GGTA1: variants seen among roughly 807,000 people sequenced by gnomAD.
GGTA1 encodes the protein glycoprotein alpha-galactosyltransferase 1 (inactive).
Under a neutral mutation model 2.6 loss-of-function variants are expected in GGTA1, and 5 were observed. The observed-to-expected ratio is 1.92, with a 90% CI of 1.00 to 4.04. The LOEUF is 4.04. Among genes scored for constraint, GGTA1 ranks in the 30% most tolerant of loss-of-function variants. The probability of loss-of-function intolerance (pLI) is 0.00; values close to 1 mark genes in which losing one functional copy is unlikely to be tolerated. For synonymous variants in GGTA1, 17 were observed against 5.0 expected (o/e 3.38, Z -3.19); for missense variants, 50 against 16.7 (o/e 2.99, Z -3.47).
intron 1 of GGTA1, among the ~76,000 whole-genome samples, chr9:121,473,052 G>C (rs1236272975): frequency 6.6e-6 from 1 of 152,172 alleles, no homozygotes; most frequent in Non-Finnish European, 1.5e-5. Context: ...GGATGACCGG[G>C]TGCAAACCTG....
intron 3 of GGTA1, among the ~76,000 whole-genome samples, chr9:121,462,188 G>T (rs901536887): frequency 2.3e-4 from 35 of 152,266 alleles, no homozygotes; most frequent in African/African-American, 7.5e-4. Flanking sequence ...AGCCGGGCGT[G>T]GTGGCAGGTG....
chr9:121,470,655 CCTAACCT>C (rs1425861455), intron 1 of GGTA1, among the ~76,000 whole-genome samples: 9 of 152,350 alleles, frequency 5.9e-5, no homozygotes, highest in Admixed American at 5.2e-4. Context: ...CCATCTTGCT[CCTAACCT>C]CTAACCTGTC....
chr9:121,491,413 G>A (rs1828865714), intron 1 of GGTA1, among the ~76,000 whole-genome samples: 1 of 152,118 alleles, frequency 6.6e-6, no homozygotes, highest in South Asian at 2.1e-4. Context: ...CAGAACAGCT[G>A]GAGGAAGAGC....
intron 3 of GGTA1, among the ~76,000 whole-genome samples, chr9:121,461,538 C>T (rs1468692367): frequency 6.6e-6 from 1 of 152,192 alleles, no homozygotes; most frequent in Non-Finnish European, 1.5e-5. Context: ...CAGCCCTCAG[C>T]TCATCCTGGG....
chr9:121,488,831 C>T (rs1181628551), intron 1 of GGTA1, among the ~76,000 whole-genome samples: 1 of 152,166 alleles, frequency 6.6e-6, no homozygotes, highest in Non-Finnish European at 1.5e-5. Context: ...ATCGCTTGAA[C>T]CCAGGAGGCA....
At chr9:121,485,454 T>A (rs1170689276) in intron 1 of GGTA1, among the ~76,000 whole-genome samples, 1 of 152,202 alleles carries the variant, frequency 6.6e-6, no homozygotes, top group Non-Finnish European at 1.5e-5. Flanking sequence ...GAAGGTTAAG[T>A]GTTGTCACGT....
At chr9:121,458,854 T>C (rs2064936159) in intron 5 of GGTA1, among the ~76,000 whole-genome samples, 1 of 152,014 alleles carries the variant, frequency 6.6e-6, no homozygotes, top group Non-Finnish European at 1.5e-5. Flanking sequence ...CACAGTAAAA[T>C]TGCCCCATTC....
intron 1 of GGTA1, among the ~76,000 whole-genome samples, chr9:121,475,418 T>C (rs1828489124): frequency 6.6e-6 from 1 of 152,204 alleles, no homozygotes; most frequent in African/African-American, 2.4e-5. Context: ...CTTTTATTCC[T>C]CTACTCTCCT....
chr9:121,484,843 A>G (rs113066918), intron 1 of GGTA1, among the ~76,000 whole-genome samples: 1 of 152,302 alleles, frequency 6.6e-6, no homozygotes, highest in East Asian at 1.9e-4. Flanking sequence ...TCTTGTCTAT[A>G]TTTAAGGCAA....
At chr9:121,457,351 T>A (rs1404810677) in intron 5 of GGTA1, among the ~76,000 whole-genome samples, 2 of 152,150 alleles carry the variant, frequency 1.3e-5, no homozygotes, top group Non-Finnish European at 2.9e-5. Flanking sequence ...TGTAGGATGG[T>A]ATCTAATCTC....
At chr9:121,464,054 A>G (rs1486560280) in intron 2 of GGTA1, among the ~76,000 whole-genome samples, 1 of 152,226 alleles carries the variant, frequency 6.6e-6, no homozygotes, top group East Asian at 1.9e-4. Flanking sequence ...AGGTTCACCA[A>G]CTTTTCATAT....
At chr9:121,499,487 A>G (rs1441316503) in intron 1 of GGTA1, among the ~76,000 whole-genome samples, 163 bp downstream of exon 1, 1 of 152,162 alleles carries the variant, frequency 6.6e-6, no homozygotes, top group Non-Finnish European at 1.5e-5. Context: ...GCACCGAGGT[A>G]GCGACAAGAA....
intron 7 of GGTA1, among the ~76,000 whole-genome samples, chr9:121,449,839 CAAAA>C (rs35123086): frequency 8.5e-5 from 8 of 94,358 alleles, no homozygotes; most frequent in Non-Finnish European, 1.4e-4. Context: ...GACTCCATCT[CAAAA>C]AAAAAAAAAA....
At chr9:121,489,525 C>G (rs1828831221) in intron 1 of GGTA1, among the ~76,000 whole-genome samples, 1 of 152,194 alleles carries the variant, frequency 6.6e-6, no homozygotes, top group Non-Finnish European at 1.5e-5. Flanking sequence ...TCTATTGTAT[C>G]TAGTCAGAGT....
intron 1 of GGTA1, chr9:121,479,351 C>T (rs1828585037): frequency 1.7e-5 from 6 of 351,592 alleles, no homozygotes; most frequent in South Asian, 1.3e-4. Flanking sequence ...AAAGAATAAA[C>T]AGCTGTTTCA....
chr9:121,456,320 C>A (rs2064911107), intron 5 of GGTA1, among the ~76,000 whole-genome samples: 1 of 152,196 alleles, frequency 6.6e-6, no homozygotes, highest in South Asian at 2.1e-4. Context: ...GGCCCCCTAA[C>A]CAAAGCACAC....
chr9:121,470,457 A>C (rs2118702586), intron 1 of GGTA1, among the ~76,000 whole-genome samples: 1 of 152,358 alleles, frequency 6.6e-6, no homozygotes, highest in Middle Eastern at 3.4e-3. Context: ...TCCTAAATGG[A>C]GATGACAAGA....
At chr9:121,496,757 A>AAAAAAAAAAAGAGAGAG (rs1554838784) in intron 1 of GGTA1, among the ~76,000 whole-genome samples, 1 of 111,918 alleles carries the variant, frequency 8.9e-6, no homozygotes, top group Non-Finnish European at 2.1e-5. Flanking sequence ...AAAAAAAAAA[A>AAAAAAAAAAAGAGAGAG]AGAGAGAGAG....
At chr9:121,488,250 A>G (rs1589338056) in intron 1 of GGTA1, among the ~76,000 whole-genome samples, 1 of 152,162 alleles carries the variant, frequency 6.6e-6, no homozygotes, top group Non-Finnish European at 1.5e-5. Context: ...CCTGGCCTCA[A>G]GCAATCCTCC....
Sources: gnomAD v4.1 joint callset for allele counts (sites outside exome capture counted in the v4.1 genomes callset) on GRCh38, gnomAD v4.1.1 for gene constraint, MANE v1.5 for transcripts, NCBI Gene and HGNC (gene_info 2026-07-23, HGNC 2026-07-21) for gene names.